Variants in CTNND2 observed in about 807,000 individuals in gnomAD.
CTNND2 encodes catenin delta-2.
A neutral mutation model predicts 144.4 loss-of-function variants in CTNND2; 22 were observed. That is an observed-to-expected ratio of 0.15 (90% CI 0.11 to 0.22). The LOEUF (loss-of-function observed/expected upper bound fraction) is 0.22. CTNND2 is among the 10% of genes least tolerant of loss of function. The pLI, the probability that CTNND2 is intolerant of heterozygous loss-of-function variation, is 1.00. For synonymous variants in CTNND2, 751 were observed against 695.6 expected (o/e 1.08, Z -1.25); for missense variants, 1,353 against 1,618.8 (o/e 0.84, Z 2.82).
intron 15 of CTNND2, among the ~76,000 whole-genome samples, chr5:11,094,353 C>T (rs980589025): frequency 5.3e-5 from 8 of 152,140 alleles, no homozygotes; most frequent in African/African-American, 1.9e-4. Flanking sequence ...TAAATGGTCT[C>T]TGACAGTTTT....
At chr5:11,659,407 G>A (rs1561666021) in intron 2 of CTNND2, among the ~76,000 whole-genome samples, 1 of 152,212 alleles carries the variant, frequency 6.6e-6, no homozygotes, top group South Asian at 2.1e-4. Flanking sequence ...TATAGTATAT[G>A]CAATTAAAAT....
chr5:11,759,258 G>T (rs1376195600), intron 1 of CTNND2, among the ~76,000 whole-genome samples: 2 of 151,772 alleles, frequency 1.3e-5, no homozygotes, highest in African/African-American at 4.8e-5. Context: ...ATCAATTAGG[G>T]ATATTATATT....
chr5:11,559,542 C>G (rs1383532020), intron 3 of CTNND2, among the ~76,000 whole-genome samples: 1 of 152,128 alleles, frequency 6.6e-6, no homozygotes, highest in Non-Finnish European at 1.5e-5. Context: ...GGAGGATTCA[C>G]AAGGGTCAGA....
At chr5:11,648,552 T>G (rs1581664749) in intron 2 of CTNND2, among the ~76,000 whole-genome samples, 1 of 152,222 alleles carries the variant, frequency 6.6e-6, no homozygotes, top group East Asian at 1.9e-4. Flanking sequence ...TTAATTTATA[T>G]TTTTTAACAT....
In CTNND2 at chr5:11,744,973, C is replaced by A. The variant is rs189038140; in HGVS notation, c.38-12701G>T. ...TGGGTCTCGAACTCCTGAGCTCAGG[C>A]GATCCACCCACCTCGGCCAAAGTAC... On this transcript the variant is annotated intron_variant, in intron 1 of 21. Transcript: ENST00000304623. Among the ~76,000 whole-genome samples, 1,137 of 152,022 alleles carry A rather than the reference C, an allele frequency of 7.5e-3. 4 individuals carry two copies. The highest frequency in any genetic ancestry group is 0.011 in the Non-Finnish European group (739 of 67,974).
intron 1 of CTNND2, among the ~76,000 whole-genome samples, chr5:11,818,070 TCATTTGGTAGGTTCTA>T (rs150982205): frequency 0.021 from 3,046 of 147,862 alleles, 114 homozygotes; most frequent in African/African-American, 0.072. Flanking sequence ...GAAGTGACGT[TCATTTGGTAGGTTCTA>T]CAACACATGC....
At chr5:11,741,031 C>T (rs1488822714) in intron 1 of CTNND2, among the ~76,000 whole-genome samples, 2 of 152,144 alleles carry the variant, frequency 1.3e-5, no homozygotes, top group Admixed American at 1.3e-4. Flanking sequence ...CCATCTCATG[C>T]CAGTTAGAAT....
chr5:11,590,790 C>T (rs560937774), intron 2 of CTNND2, among the ~76,000 whole-genome samples: 234 of 152,330 alleles, frequency 1.5e-3, no homozygotes, highest in African/African-American at 5.2e-3. Context: ...CCTAACTCCA[C>T]CACCTATCCC....
At chr5:11,300,537 A>C (rs1749478848) in intron 9 of CTNND2, among the ~76,000 whole-genome samples, 1 of 152,016 alleles carries the variant, frequency 6.6e-6, no homozygotes, top group East Asian at 1.9e-4. Flanking sequence ...TACAGATCCG[A>C]AGTCCTTCCC....
intron 2 of CTNND2, among the ~76,000 whole-genome samples, chr5:11,617,734 T>A (rs1455483285): frequency 6.6e-6 from 1 of 152,192 alleles, no homozygotes; most frequent in Non-Finnish European, 1.5e-5. Flanking sequence ...GGGCACACAC[T>A]GGGTCAAAGT....
chr5:11,410,519 T>C (rs560650769), intron 5 of CTNND2, among the ~76,000 whole-genome samples: 1 of 152,308 alleles, frequency 6.6e-6, no homozygotes, highest in East Asian at 1.9e-4. Flanking sequence ...ACCAGGATAA[T>C]ACCTATTTTA....
At chr5:11,509,253 T>C (rs1048416399) in intron 3 of CTNND2, among the ~76,000 whole-genome samples, 5 of 152,206 alleles carry the variant, frequency 3.3e-5, no homozygotes, top group Non-Finnish European at 5.9e-5. Flanking sequence ...TTGAGTTTTA[T>C]TGGCTAAAGG....
chr5:11,003,453 G>C (rs564970352), intron 18 of CTNND2, among the ~76,000 whole-genome samples: 1 of 152,146 alleles, frequency 6.6e-6, no homozygotes, highest in Non-Finnish European at 1.5e-5. Context: ...TTTTTGAGTG[G>C]AAGAAACCTA....
At chr5:11,697,483 T>C (rs553332525) in intron 2 of CTNND2, among the ~76,000 whole-genome samples, 3 of 152,350 alleles carry the variant, frequency 2.0e-5, no homozygotes, top group South Asian at 2.1e-4. Flanking sequence ...AATATTCCTT[T>C]GTATTTTATA....
At chr5:11,397,818 T>C (rs1561334281) in intron 5 of CTNND2, among the ~76,000 whole-genome samples, 3 of 152,230 alleles carry the variant, frequency 2.0e-5, no homozygotes, top group Admixed American at 1.3e-4. Context: ...AAAGAGAACA[T>C]ACGGTGTTCA....
At chr5:11,090,555 G>A (rs1357433361) in intron 15 of CTNND2, among the ~76,000 whole-genome samples, 1 of 152,182 alleles carries the variant, frequency 6.6e-6, no homozygotes, top group Non-Finnish European at 1.5e-5. Flanking sequence ...ATTGTGAACT[G>A]TGCATGTGAG....
chr5:11,230,622 C>T (rs1372430784), intron 10 of CTNND2, among the ~76,000 whole-genome samples: 2 of 152,158 alleles, frequency 1.3e-5, no homozygotes, highest in Admixed American at 6.5e-5. Flanking sequence ...ATTCATTCAC[C>T]CATGAATACG....
At chr5:11,823,890 T>C (rs1021406721) in intron 1 of CTNND2, among the ~76,000 whole-genome samples, 2 of 151,994 alleles carry the variant, frequency 1.3e-5, no homozygotes, top group African/African-American at 4.8e-5. Flanking sequence ...GGCAGATTAC[T>C]TGAGGTCAGG....
In CTNND2 at chr5:11,877,337, C is replaced by G. The variant is rs73052528; in HGVS notation, c.37+26480G>C. Among the ~76,000 whole-genome samples, 1,255 of 152,228 alleles carry G rather than the reference C, an allele frequency of 8.2e-3. 15 individuals are homozygous for G. Among genetic ancestry groups the G allele is most frequent in the African/African-American group, 0.028 (1,176 of 41,570 alleles). On this transcript the variant is annotated intron_variant, in intron 1 of 21. Coordinates refer to ENST00000304623, the MANE Select transcript of CTNND2 (RefSeq NM_001332.4). Reference sequence around the variant, plus strand: ...TTATTCTTTTCTAATAAATTTCCCTCTGTGTACTAAACTAGCTATATTCTT... The same window carrying G: ...TTATTCTTTTCTAATAAATTTCCCTGTGTGTACTAAACTAGCTATATTCTT...
Sources: allele counts gnomAD v4.1 joint callset (sites outside exome capture counted in the v4.1 genomes callset), GRCh38; gene constraint gnomAD v4.1.1; transcripts MANE v1.5; gene names NCBI Gene and HGNC (gene_info 2026-07-23, HGNC 2026-07-21).